Variants in RMDN1 observed in about 807,000 individuals in gnomAD.
RMDN1 encodes regulator of microtubule dynamics 1, also known as regulator of microtubule dynamics protein 1.
In RMDN1, 48 loss-of-function variants were observed where a neutral mutation model predicts 48.9. That is an observed-to-expected ratio of 0.98 (90% CI 0.78 to 1.25). The LOEUF (loss-of-function observed/expected upper bound fraction) is 1.25, where lower values mean the gene tolerates loss of function less well. RMDN1 is among the 50% of genes most tolerant of loss of function. The probability of loss-of-function intolerance (pLI) is 0.00; values close to 1 mark genes in which losing one functional copy is unlikely to be tolerated. For synonymous variants in RMDN1, 148 were observed against 132.6 expected, an observed-to-expected ratio of 1.12 and a Z score of -0.80; for missense variants, 418 against 373.4, an observed-to-expected ratio of 1.12 and a Z score of -0.98.
chr8:86,508,803 G>A, upstream of RMDN1: 1 of 1,262,010 alleles, frequency 7.9e-7, no homozygotes, highest in Non-Finnish European at 9.9e-7. Flanking sequence ...CTTAGGGGGT[G>A]GGAAATACCC....
rs1563577307 is a variant in RMDN1 at position 86,474,378 on chromosome 8, G to GTT, written c.895-22_895-21dup. On this transcript the variant is annotated intron_variant, in intron 9 of 9. Transcript: ENST00000406452. ...CTGTATCTAAAATGGAAAAATACAT[G>GTT]TTATAAGTAAACAGGAGAGCTAAGA... 6.4e-7 allele frequency: 1 copy of GTT among 1,567,390 alleles called. No homozygotes were observed. The highest frequency in any genetic ancestry group is 8.8e-7 in the Non-Finnish European group (1 of 1,138,192).
At chr8:86,494,572 T>C (rs1223375943) in intron 2 of RMDN1, among the ~76,000 whole-genome samples, 1 of 151,554 alleles carries the variant, frequency 6.6e-6, no homozygotes, top group African/African-American at 2.4e-5. Context: ...CAAAAGCTTC[T>C]TGAAGTGTGA....
Position 86,508,638 on chromosome 8 carries a change from C to A in RMDN1, c.-18G>T, listed in dbSNP as rs956910733. On this transcript the variant is annotated 5_prime_UTR_variant, in exon 1 of 10. Coordinates refer to ENST00000406452, the MANE Select transcript of RMDN1 (RefSeq NM_016033.3). ...AGCGCCATGACCTGCAACTTGCGGGCTGACCCTGCACTACTTCAGGCAGCT... is the reference window on the plus strand; with the variant it reads ...AGCGCCATGACCTGCAACTTGCGGGATGACCCTGCACTACTTCAGGCAGCT... The A allele has an allele frequency of 1.1e-5, 17 of 1,594,146 alleles. No individual in the cohort carries two copies. The highest frequency in any genetic ancestry group is 3.4e-5 in the Admixed American group (2 of 58,780).
downstream of RMDN1, among the ~76,000 whole-genome samples, chr8:86,470,613 T>C (rs184458956): frequency 2.5e-4 from 38 of 152,322 alleles, no homozygotes; most frequent in African/African-American, 9.1e-4. Flanking sequence ...TCATAGCAGC[T>C]TTATTTGTAA....
chr8:86,492,021 C>A (rs1816585877), intron 2 of RMDN1, among the ~76,000 whole-genome samples: 1 of 152,162 alleles, frequency 6.6e-6, no homozygotes, highest in African/African-American at 2.4e-5. Context: ...TGTGTCTCAG[C>A]AGTACCAGCA....
chr8:86,505,146 A>G (rs1819099098), intron 2 of RMDN1: 20 of 1,242,750 alleles, frequency 1.6e-5, no homozygotes, highest in Non-Finnish European at 2.1e-5. Flanking sequence ...GGATGAACCC[A>G]GGACTGCTTC....
At chr8:86,469,676 G>GTAAAAA (rs1812387053), downstream of RMDN1, among the ~76,000 whole-genome samples, 3 of 152,262 alleles carry the variant, frequency 2.0e-5, no homozygotes, top group South Asian at 6.2e-4. Flanking sequence ...TGTTGCAGAA[G>GTAAAAA]TAAAAATCTT....
chr8:86,505,139 T>A lies in RMDN1; in HGVS notation c.247+1856A>T, dbSNP rs1819097347. The A allele has an allele frequency of 6.3e-6, 8 of 1,276,868 alleles. No individual in the cohort carries two copies. The South Asian group carries it at 9.6e-5, about 15-fold the overall frequency. 79.1% of individuals were successfully genotyped at this position (1,276,868 alleles called of 1,614,324 possible). On this transcript the variant is annotated intron_variant, in intron 2 of 9. Coordinates refer to ENST00000406452, the MANE Select transcript of RMDN1 (RefSeq NM_016033.3). ...CCCTGAATGAGAGACCTCATCAGGATGAACCCAGGACTGCTTCTGAATGCT... is the reference window on the plus strand; with the variant it reads ...CCCTGAATGAGAGACCTCATCAGGAAGAACCCAGGACTGCTTCTGAATGCT...
chr8:86,477,533 T>A (rs1305235610), intron 7 of RMDN1: 2 of 434,876 alleles, frequency 4.6e-6, no homozygotes, highest in Admixed American at 4.2e-5. Context: ...ATGGACTACT[T>A]CTGGTAATAA....
rs556869037 is a variant in RMDN1, at chr8:86,493,400, A to T, written c.248-4761T>A. On this transcript the variant is annotated intron_variant, in intron 2 of 9. Transcript: ENST00000406452. ...CATTCACTAAGGCATTAGTCACAAT[A>T]GCCACGCCTTAGGAAACAACCTAAG... 2.0e-5 allele frequency among the ~76,000 whole-genome samples: 3 copies of T among 152,342 alleles called. No homozygotes were observed. In the South Asian group the frequency reaches 6.2e-4, roughly 32 times the overall value.
In RMDN1 at chr8:86,473,059, G is replaced by C; in HGVS notation, c.*1249C>G. 1 of 946,028 alleles carries C rather than the reference G, an allele frequency of 1.1e-6. No individual in the cohort carries two copies. The highest frequency in any genetic ancestry group is 1.3e-6 in the Non-Finnish European group (1 of 794,294). The allele number at this position is 946,028 out of a possible 1,614,324, so 58.6% of individuals were successfully genotyped here. On this transcript the variant is annotated 3_prime_UTR_variant, in exon 10 of 10. Coordinates refer to ENST00000406452, the MANE Select transcript of RMDN1 (RefSeq NM_016033.3). Reference sequence around the variant, plus strand: ...TCCCAAATCCAAGATGCTTCTACTAGTCCCAAGTATTTCAGATAAGGGATA... The same window carrying C: ...TCCCAAATCCAAGATGCTTCTACTACTCCCAAGTATTTCAGATAAGGGATA...
intron 6 of RMDN1, among the ~76,000 whole-genome samples, chr8:86,479,211 T>C (rs1813913739): frequency 1.3e-5 from 2 of 152,136 alleles, no homozygotes; most frequent in Non-Finnish European, 2.9e-5. Context: ...TAAATATAAA[T>C]AGTAAGCAGT....
At chr8:86,484,785 G>T in intron 5 of RMDN1, 87 bp downstream of exon 5, 6 of 621,524 alleles carry the variant, frequency 9.7e-6, no homozygotes, top group East Asian at 3.2e-5. Context: ...TAGGTGGTTT[G>T]ATATACAGCA....
In RMDN1 at chr8:86,508,491, C is replaced by T; in HGVS notation, c.129+1G>A. On this transcript the variant is annotated splice_donor_variant, in intron 1 of 9. Transcript: ENST00000406452. LOFTEE classifies it high-confidence loss of function. ...AGCGGGAGCCAGGACCACGGGGGTA[C>T]CTCGAAGCCGCGGAATCGACAGGGG... 1 of 1,546,412 alleles carries T rather than the reference C, an allele frequency of 6.5e-7. No individual in the cohort carries two copies. The highest frequency in any genetic ancestry group is 8.7e-7 in the Non-Finnish European group (1 of 1,146,214).
intron 5 of RMDN1, chr8:86,481,712 C>A: frequency 1.7e-6 from 1 of 574,038 alleles, no homozygotes; most frequent in South Asian, 4.9e-5. Context: ...TGGTCTCTGT[C>A]AGGCCAAGAA....
chr8:86,478,886 G>A (rs1358787649), intron 7 of RMDN1, 37 bp downstream of exon 7: 1 of 1,527,968 alleles, frequency 6.5e-7, no homozygotes, highest in South Asian at 1.1e-5. Context: ...CTGTGGTTAA[G>A]AAATCCGTAC....
rs756781000 is a variant in RMDN1, at chr8:86,474,921, G to T, written c.793C>A (p.Leu265Ile). 3 of 1,610,502 alleles carry T rather than the reference G, an allele frequency of 1.9e-6. No homozygotes were observed. The highest frequency in any genetic ancestry group is 2.7e-5 in the African/African-American group (2 of 74,722). ...DPNFYSKNLL[L>I]LGKTYLKLHN... ...AGTTTCAAGTATGTCTTTCCTAAAA[G>T]AAGTAAGTTTTTGCTGTAGAAGTTT... Residue 265 changes from leucine to isoleucine, a missense_variant, in exon 9 of 10, where the codon CTT becomes ATT. Transcript: ENST00000406452.
intron 4 of RMDN1, 130 bp downstream of exon 4, chr8:86,486,354 T>C (rs1254413212): frequency 1.6e-5 from 8 of 515,366 alleles, no homozygotes; most frequent in East Asian, 3.4e-5. Flanking sequence ...CCTTAAGATA[T>C]AAGATTGAAT....
upstream of RMDN1, chr8:86,508,840 C>A (rs971796043): frequency 7.9e-7 from 1 of 1,257,998 alleles, no homozygotes; most frequent in African/African-American, 1.5e-5. Context: ...AATGGACTTT[C>A]CGCGCCTGCG....
Sources: gnomAD v4.1 joint callset for allele counts (sites outside exome capture counted in the v4.1 genomes callset) on GRCh38, gnomAD v4.1.1 for gene constraint, MANE v1.5 for transcripts, NCBI Gene and HGNC (gene_info 2026-07-23, HGNC 2026-07-21) for gene names.